Variants in KANSL1L observed in about 807,000 individuals in gnomAD.
KANSL1L encodes the protein KAT8 regulatory NSL complex subunit 1 like.
A neutral mutation model predicts 108.6 loss-of-function variants in KANSL1L; 25 were observed. The observed-to-expected ratio is 0.23, with a 90% CI of 0.17 to 0.32. The LOEUF is 0.32. Ranked by LOEUF, KANSL1L falls within the 10% of genes least tolerant of loss-of-function variation. The pLI is 1.00. For missense variants in KANSL1L, 1,137 were observed against 1,125.7 expected (o/e 1.01, Z -0.14); for synonymous variants, 405 against 395.1 (o/e 1.03, Z -0.30).
chr2:210,097,307 A>C, intron 5 of KANSL1L: 1 of 760,694 alleles, frequency 1.3e-6, no homozygotes, highest in Non-Finnish European at 1.6e-6. Context: ...CTATATTAGA[A>C]AGTTATTAAA....
At position 210,070,224 on chromosome 2, in the gene KANSL1L, CTTTTTTTTT is replaced by C. The variant is rs71043971; in HGVS notation, c.1755+5319_1755+5327del. ...TGTGTCTCAAATCTCTTTCTCCGTT[CTTTTTTTTT>C]TTTTTTTTTTTTTTTGAGATGGAGT... is the stretch of plus-strand genomic sequence containing the variant. On this transcript the variant is annotated intron_variant, in intron 6 of 14. Coordinates refer to ENST00000281772, the MANE Select transcript of KANSL1L (RefSeq NM_152519.4). Among the ~76,000 whole-genome samples, 49 of 77,564 alleles carry C rather than the reference CTTTTTTTTT, an allele frequency of 6.3e-4. No individual in the cohort carries two copies. In the South Asian group the frequency reaches 8.6e-3, roughly 14 times the overall value. 50.9% of individuals were successfully genotyped at this position (77,564 alleles called of 152,430 possible). A position where few individuals can be genotyped will look rare whatever the true frequency, so the allele number is the denominator to read the frequency against.
At chr2:210,033,882 CATTT>C (rs1028077079) in intron 8 of KANSL1L, among the ~76,000 whole-genome samples, 18 of 152,060 alleles carry the variant, frequency 1.2e-4, no homozygotes, top group African/African-American at 4.1e-4. Context: ...GTTTTTTTCA[CATTT>C]ATTTTCCTTC....
intron 2 of KANSL1L, among the ~76,000 whole-genome samples, chr2:210,139,561 C>A (rs1000153363): frequency 2.4e-4 from 37 of 152,144 alleles, no homozygotes; most frequent in African/African-American, 8.9e-4. Flanking sequence ...TCCTCTCCAA[C>A]ATTTGTTATT....
chr2:210,163,822 A>T (rs1467831914), intron 1 of KANSL1L, among the ~76,000 whole-genome samples: 1 of 152,178 alleles, frequency 6.6e-6, no homozygotes, highest in Non-Finnish European at 1.5e-5. Context: ...CAAAAGCTAC[A>T]TGAAGGCAGG....
intron 5 of KANSL1L, chr2:210,097,226 C>G (rs2094745686): frequency 2.1e-6 from 2 of 970,736 alleles, no homozygotes; most frequent in Non-Finnish European, 2.4e-6. Context: ...TTGTTTACAT[C>G]CACTAATTTC....
intron 3 of KANSL1L, among the ~76,000 whole-genome samples, chr2:210,117,993 G>A (rs1462536509): frequency 1.3e-5 from 2 of 151,634 alleles, no homozygotes; most frequent in Admixed American, 6.6e-5. Context: ...GAGAAACCCC[G>A]TCTCTACTAA....
At chr2:210,072,001 A>G (rs2094511076) in intron 6 of KANSL1L, among the ~76,000 whole-genome samples, 1 of 152,230 alleles carries the variant, frequency 6.6e-6, no homozygotes, top group South Asian at 2.1e-4. Context: ...ATTTTCTTAC[A>G]TAACTGCAAA....
intron 5 of KANSL1L, among the ~76,000 whole-genome samples, chr2:210,090,405 T>C (rs896431538): frequency 1.3e-5 from 2 of 152,226 alleles, no homozygotes; most frequent in Non-Finnish European, 2.9e-5. Context: ...CACTGAGTGA[T>C]TGTCAAATGT....
chr2:210,054,483 A>G (rs2094328194), intron 6 of KANSL1L, among the ~76,000 whole-genome samples: 1 of 152,132 alleles, frequency 6.6e-6, no homozygotes, highest in African/African-American at 2.4e-5. Context: ...GTTCAATTCT[A>G]TTGAGGGCAA....
chr2:210,120,804 TAAAC>T (rs1248295303), intron 3 of KANSL1L, among the ~76,000 whole-genome samples: 6 of 151,340 alleles, frequency 4.0e-5, no homozygotes, highest in South Asian at 2.1e-4. Flanking sequence ...TTACAAGAAA[TAAAC>T]AAACAACCCC....
At chr2:210,058,693 C>T (rs184044334) in intron 6 of KANSL1L, among the ~76,000 whole-genome samples, 3,478 of 152,006 alleles carry the variant, frequency 0.023, 88 homozygotes, top group African/African-American at 0.061. Context: ...AAAAATTAGC[C>T]GGGCGTGGTG....
At chr2:210,121,215 A>G (rs898369371) in intron 3 of KANSL1L, among the ~76,000 whole-genome samples, 1 of 152,216 alleles carries the variant, frequency 6.6e-6, no homozygotes. Context: ...TTGCAGCACT[A>G]TGCACAATAG....
Position 210,134,578 on chromosome 2 carries a change from ATTTCAGC to A in KANSL1L, c.1089-5413_1089-5407del, listed in dbSNP as rs2095157045. On this transcript the variant is annotated intron_variant, in intron 2 of 14. Coordinates refer to ENST00000281772, the MANE Select transcript of KANSL1L (RefSeq NM_152519.4). ...TATTACTTGCTGTTCAACTTCATAA[ATTTCAGC>A]TTACTTTAAAGCTTTGTTAGAGCAT... Among the ~76,000 whole-genome samples the A allele has an allele frequency of 2.0e-5, 3 of 152,240 alleles. No individual in the cohort carries two copies. The South Asian group carries it at 6.2e-4, about 32-fold the overall frequency.
rs2093943666 is a variant in KANSL1L at position 210,026,813 on chromosome 2, CA to C, written c.2451+482del. Among the ~76,000 whole-genome samples the C allele has an allele frequency of 2.0e-5, 3 of 152,238 alleles. No homozygotes were observed. In the East Asian group the frequency reaches 5.8e-4, roughly 29 times the overall value. ...TGAAACGGAGTCTTGCTCTGTTGCC[CA>C]GGCTGGAGTGCAGTGGTGCGATCTC... On this transcript the variant is annotated intron_variant, in intron 12 of 14. Coordinates refer to ENST00000281772, the MANE Select transcript of KANSL1L (RefSeq NM_152519.4).
intron 8 of KANSL1L, among the ~76,000 whole-genome samples, chr2:210,034,861 T>C (rs1368189487): frequency 6.6e-6 from 1 of 152,208 alleles, no homozygotes; most frequent in African/African-American, 2.4e-5. Flanking sequence ...ATTTCAGAAT[T>C]ACAGAAAACT....
At chr2:210,061,835 T>C (rs1207883914) in intron 6 of KANSL1L, among the ~76,000 whole-genome samples, 3 of 152,140 alleles carry the variant, frequency 2.0e-5, no homozygotes, top group Admixed American at 6.5e-5. Context: ...AAAGAAACAG[T>C]CTGAAAAACT....
chr2:210,040,010 T>A (rs932349266), intron 8 of KANSL1L, among the ~76,000 whole-genome samples: 2 of 151,802 alleles, frequency 1.3e-5, no homozygotes, highest in African/African-American at 2.4e-5. Context: ...TTATAATAAT[T>A]CCTTTTATAT....
intron 2 of KANSL1L, among the ~76,000 whole-genome samples, chr2:210,140,650 T>C (rs1340775266): frequency 1.3e-5 from 2 of 152,192 alleles, no homozygotes; most frequent in Non-Finnish European, 2.9e-5. Flanking sequence ...CTTGCTTGGT[T>C]TTACATAAAT....
intron 2 of KANSL1L, among the ~76,000 whole-genome samples, chr2:210,150,473 G>T (rs955181661): frequency 1.3e-5 from 2 of 152,072 alleles, no homozygotes; most frequent in African/African-American, 4.8e-5. Flanking sequence ...AAATTGACAT[G>T]CCTTTGAGAA....
Sources: allele counts gnomAD v4.1 joint callset (sites outside exome capture counted in the v4.1 genomes callset), GRCh38; gene constraint gnomAD v4.1.1; transcripts MANE v1.5; gene names NCBI Gene and HGNC (gene_info 2026-07-23, HGNC 2026-07-21).